The following NCBP1 variants were observed in gnomAD, a reference collection of about 807,000 sequenced individuals.
The protein encoded by NCBP1 is nuclear cap-binding protein subunit 1.
In NCBP1, 16 loss-of-function variants were observed where a neutral mutation model predicts 111.7. That is an observed-to-expected ratio of 0.14 (90% CI 0.10 to 0.22). The LOEUF is 0.22. NCBP1 is among the 10% of genes least tolerant of loss of function. NCBP1 has a pLI of 1.00. For synonymous variants in NCBP1, 304 were observed against 314.3 expected (o/e 0.97, Z 0.35); for missense variants, 607 against 957.5 (o/e 0.63, Z 4.83).
intron 18 of NCBP1, among the ~76,000 whole-genome samples, chr9:97,663,917 A>C (rs1827913923): frequency 1.3e-5 from 2 of 151,986 alleles, no homozygotes; most frequent in South Asian, 4.2e-4. Flanking sequence ...GGTGGCTCTT[A>C]CCTGTAATCC....
intron 5 of NCBP1, 23 bp downstream of exon 5, chr9:97,645,247 A>G: frequency 1.3e-6 from 2 of 1,551,486 alleles, no homozygotes; most frequent in Non-Finnish European, 1.8e-6. Context: ...CTCATGCTGA[A>G]TCTTGAGGGG....
chr9:97,645,586 A>G, intron 5 of NCBP1, 25 bp from the exon 6 acceptor site: 2 of 1,601,082 alleles, frequency 1.2e-6, no homozygotes, highest in South Asian at 1.1e-5. Context: ...CATATTTTAA[A>G]CTTAACTTTT....
chr9:97,664,289 ATG>A lies in NCBP1; in HGVS notation c.1798-43_1798-42del, dbSNP rs111959999. 0.022 allele frequency: 24,792 copies of A among 1,117,860 alleles called. 3,701 individuals are homozygous for A. The African/African-American group carries it at 0.33, about 15-fold the overall frequency. The allele number at this position is 1,117,860 out of a possible 1,614,324, so 69.2% of individuals were successfully genotyped here. A position where few individuals can be genotyped will look rare whatever the true frequency, so the allele number is the denominator to read the frequency against. On this transcript the variant is annotated intron_variant, in intron 18 of 22. Transcript: ENST00000375147. Reference sequence around the variant, plus strand: ...AGCAGCAGTGTGGTGGCACATATATATGTGTGTGTATGTGTGTGTGTGATTTA... The same window carrying A: ...AGCAGCAGTGTGGTGGCACATATATATGTGTGTATGTGTGTGTGTGATTTA...
chr9:97,633,942 G>C (rs1826910029), intron 1 of NCBP1, 27 bp downstream of exon 1: 5 of 1,569,162 alleles, frequency 3.2e-6, no homozygotes, highest in Non-Finnish European at 4.3e-6. Context: ...CGGCCACGGA[G>C]GCCGCTCCCG....
Position 97,673,421 on chromosome 9 carries a change from G to A in NCBP1, c.*2222G>A, listed in dbSNP as rs983759297. 1.3e-5 allele frequency: 2 copies of A among 152,194 alleles called. No homozygotes were observed. Among genetic ancestry groups the A allele is most frequent in the Admixed American group, 1.3e-4 (2 of 15,282 alleles). The allele number at this position is 152,194 out of a possible 1,614,324, so 9.4% of individuals were successfully genotyped here. ...CACAATGTACTGAAAAGTGTGGCTA[G>A]TTATGTTTGATCCACATTCTAGAGA... On this transcript the variant is annotated 3_prime_UTR_variant, in exon 23 of 23. Coordinates refer to ENST00000375147, the MANE Select transcript of NCBP1 (RefSeq NM_002486.5).
chr9:97,636,537 AGTTT>A (rs1194700044), intron 1 of NCBP1, among the ~76,000 whole-genome samples: 24 of 143,220 alleles, frequency 1.7e-4, no homozygotes, highest in South Asian at 1.1e-3. Flanking sequence ...ATATTATATA[AGTTT>A]GTTTATTATA....
chr9:97,638,685 G>A (rs1032414880), intron 1 of NCBP1, among the ~76,000 whole-genome samples: 1 of 152,146 alleles, frequency 6.6e-6, no homozygotes, highest in African/African-American at 2.4e-5. Context: ...TCTAGAATAC[G>A]GTTTCTTAAC....
chr9:97,648,362 CT>C (rs1382736278), intron 8 of NCBP1, 139 bp downstream of exon 8: 5 of 706,900 alleles, frequency 7.1e-6, no homozygotes, highest in Non-Finnish European at 1.2e-5. Context: ...ATGAAGTTAA[CT>C]TTTTAATTCA....
intron 1 of NCBP1, chr9:97,635,917 T>A (rs948947402): frequency 4.6e-5 from 7 of 152,208 alleles, no homozygotes; most frequent in African/African-American, 1.7e-4. Context: ...ATTGGAATGC[T>A]AATATGTAGA....
At position 97,645,605 on chromosome 9, in the gene NCBP1, CT is replaced by C; in HGVS notation, c.490-3del. ...TTTTAAACTTAACTTTTTAAAAATCCTTTAGGTGCGACGAGATTGGTATGTG... is the reference window on the plus strand; with the variant it reads ...TTTTAAACTTAACTTTTTAAAAATCCTTAGGTGCGACGAGATTGGTATGTG... On this transcript the variant is annotated splice_polypyrimidine_tract_variant and splice_region_variant and intron_variant, in intron 5 of 22. Transcript: ENST00000375147. 6.2e-7 allele frequency: 1 copy of C among 1,611,072 alleles called. No homozygotes were observed. The highest frequency in any genetic ancestry group is 8.5e-7 in the Non-Finnish European group (1 of 1,178,272).
intron 2 of NCBP1, 68 bp from the exon 3 acceptor site, chr9:97,641,494 A>G: frequency 8.2e-7 from 1 of 1,213,360 alleles, no homozygotes; most frequent in Non-Finnish European, 1.1e-6. Context: ...TTACATTTAA[A>G]TAGATTTTTA....
chr9:97,636,415 C>T (rs1827025861), intron 1 of NCBP1, among the ~76,000 whole-genome samples: 1 of 148,992 alleles, frequency 6.7e-6, no homozygotes, highest in South Asian at 2.1e-4. Flanking sequence ...TTTCCGTATG[C>T]TTGACTCTCT....
chr9:97,667,413 A>C (rs1041727132), intron 20 of NCBP1, among the ~76,000 whole-genome samples: 1 of 152,174 alleles, frequency 6.6e-6, no homozygotes, highest in African/African-American at 2.4e-5. Context: ...ACCATAGTAG[A>C]AGGTGAAAAA....
chr9:97,647,505 A>T lies in NCBP1; in HGVS notation c.625A>T (p.Thr209Ser). ...TTTTATCTTTAGAAGACGCCAAAAGACTCATGTACCCATGTTACAGGTATG... is the reference window on the plus strand; with the variant it reads ...TTTTATCTTTAGAAGACGCCAAAAGTCTCATGTACCCATGTTACAGGTATG... ...TESYLKRRQKTHVPMLQVWTA... is the reference protein window; with the variant it reads ...TESYLKRRQKSHVPMLQVWTA... The change falls in exon 7 of 23, where the codon ACT (threonine) becomes TCT (serine). Residue 209 changes from threonine (T) to serine (S), a missense_variant. Thr to Ser is a moderately conservative substitution (Grantham distance 58, BLOSUM62 1). Around this residue, in one of 9 missense-constraint regions of NCBP1, gnomAD observed 185 missense variants for 272.0 expected, o/e 0.68. Coordinates refer to ENST00000375147, the MANE Select transcript of NCBP1 (RefSeq NM_002486.5). 2 of 1,612,564 alleles carry T rather than the reference A, an allele frequency of 1.2e-6. No homozygotes were observed. The highest frequency in any genetic ancestry group is 1.7e-6 in the Non-Finnish European group (2 of 1,179,040).
intron 1 of NCBP1, among the ~76,000 whole-genome samples, chr9:97,636,768 C>G (rs993416306): frequency 6.6e-6 from 1 of 150,828 alleles, no homozygotes; most frequent in East Asian, 1.9e-4. Context: ...AGCCTCCCCT[C>G]TAGAGTAGAG....
At chr9:97,635,209 A>G (rs958952743) in intron 1 of NCBP1, among the ~76,000 whole-genome samples, 3 of 152,208 alleles carry the variant, frequency 2.0e-5, no homozygotes, top group Non-Finnish European at 2.9e-5. Context: ...CCAGCTTTCT[A>G]TCTGACACCT....
At chr9:97,647,439 G>A in intron 6 of NCBP1, 53 bp from the exon 7 acceptor site, 1 of 1,367,636 alleles carries the variant, frequency 7.3e-7, no homozygotes, top group Non-Finnish European at 1.0e-6. Flanking sequence ...GAGGGTGACT[G>A]AGCATCTCTT....
At chr9:97,665,049 G>A (rs994078033) in intron 19 of NCBP1, among the ~76,000 whole-genome samples, 1 of 152,192 alleles carries the variant, frequency 6.6e-6, no homozygotes, top group Non-Finnish European at 1.5e-5. Flanking sequence ...GATAGGACCA[G>A]GGCAGCAGGA....
intron 8 of NCBP1, 83 bp from the exon 9 acceptor site, chr9:97,650,419 TA>T: frequency 9.9e-7 from 1 of 1,012,192 alleles, no homozygotes; most frequent in Non-Finnish European, 1.5e-6. Context: ...GCTTGGAACA[TA>T]ATAGTCTCTC....
Sources: allele counts gnomAD v4.1 joint callset (sites outside exome capture counted in the v4.1 genomes callset), GRCh38; gene constraint gnomAD v4.1.1; regional missense constraint gnomAD v4.1.1; transcripts MANE v1.5; gene names NCBI Gene and HGNC (gene_info 2026-07-23, HGNC 2026-07-21).